RNF130: variants seen among roughly 807,000 people sequenced by gnomAD.
RNF130 encodes the protein ring finger protein 130.
RNF130 carries 21 observed loss-of-function variants against 44.6 expected under a neutral mutation model. That is an observed-to-expected ratio of 0.47 (90% CI 0.33 to 0.68). The LOEUF (loss-of-function observed/expected upper bound fraction) is 0.68. Ranked by LOEUF, RNF130 falls within the 30% of genes least tolerant of loss-of-function variation. The pLI, the probability that RNF130 is intolerant of heterozygous loss-of-function variation, is 0.02. For missense variants in RNF130, 479 were observed against 560.6 expected (o/e 0.85, Z 1.47); for synonymous variants, 214 against 210.4 (o/e 1.02, Z -0.15).
At chr5:179,949,440 T>G (rs1762092715) in intron 7 of RNF130, among the ~76,000 whole-genome samples, 1 of 151,672 alleles carries the variant, frequency 6.6e-6, no homozygotes, top group South Asian at 2.1e-4. Flanking sequence ...TTAATTTTTT[T>G]GTAGAGATGG....
In RNF130 at chr5:180,029,325, G is replaced by A. The variant is rs576612639; in HGVS notation, c.442+11128C>T. Among the ~76,000 whole-genome samples the A allele has an allele frequency of 6.7e-4, 102 of 152,282 alleles. 1 individual carries two copies. The highest frequency in any genetic ancestry group is 2.3e-3 in the African/African-American group (97 of 41,542). ...AAATTGGATGAAGTATTTCAATAAT[G>A]TTTTTCTAAGGTGATGAATATGTGA... On this transcript the variant is annotated intron_variant, in intron 2 of 8. Coordinates refer to ENST00000521389, the MANE Select transcript of RNF130 (RefSeq NM_018434.6).
chr5:179,921,466 G>A (rs751105960), intron 7 of RNF130, among the ~76,000 whole-genome samples: 6 of 152,194 alleles, frequency 3.9e-5, no homozygotes, highest in Non-Finnish European at 7.3e-5. Context: ...TGAAATTACT[G>A]CAAAAACTGA....
chr5:179,932,814 C>T lies in RNF130; in HGVS notation c.1151-12388G>A, dbSNP rs142316277. Among the ~76,000 whole-genome samples the T allele has an allele frequency of 3.2e-3, 491 of 152,070 alleles. 3 individuals are homozygous for T. The highest frequency in any genetic ancestry group is 0.011 in the African/African-American group (474 of 41,516). ...TTGTACCACTGCACTCCAGCCTGGG[C>T]AACAGAGTGAGACTTGGTTTCAAAA... On this transcript the variant is annotated intron_variant, in intron 7 of 7. Transcript: ENST00000522208.
chr5:179,922,021 AAAAAAGAAAAAAAAGG>A (rs1761639820), intron 7 of RNF130, among the ~76,000 whole-genome samples: 1 of 151,688 alleles, frequency 6.6e-6, no homozygotes, highest in Admixed American at 6.6e-5. Flanking sequence ...ACTCCGTCTG[AAAAAAGAAAAAAAAGG>A]AAAAAGAAAA....
chr5:179,959,846 C>T (rs1015242450), intron 8 of RNF130, among the ~76,000 whole-genome samples: 3 of 152,158 alleles, frequency 2.0e-5, no homozygotes, highest in African/African-American at 4.8e-5. Flanking sequence ...CTAGTTATTT[C>T]GTCACCTTTA....
intron 1 of RNF130, among the ~76,000 whole-genome samples, chr5:180,055,821 T>C (rs10464058): frequency 0.8 from 121,561 of 152,100 alleles, 48,796 homozygotes; most frequent in South Asian, 0.93. Flanking sequence ...GCGTGGCTCA[T>C]GGCTGTAATC....
intron 7 of RNF130, 77 bp from the exon 8 acceptor site, chr5:179,963,641 T>C: frequency 9.6e-7 from 1 of 1,039,148 alleles, no homozygotes; most frequent in Non-Finnish European, 1.5e-6. Context: ...TTCCCTCAAA[T>C]GCAACGAAGC....
intron 4 of RNF130, among the ~76,000 whole-genome samples, chr5:179,979,920 T>C (rs1278000446): frequency 3.3e-5 from 5 of 152,072 alleles, no homozygotes; most frequent in Admixed American, 1.3e-4. Context: ...TCTCTGAAAA[T>C]GCATGCTAGG....
chr5:180,004,545 GGTTT>G (rs1439602416), intron 3 of RNF130, among the ~76,000 whole-genome samples: 1 of 152,148 alleles, frequency 6.6e-6, no homozygotes, highest in Non-Finnish European at 1.5e-5. Context: ...CAGCTTGAGG[GGTTT>G]GTTAGGGGCC....
intron 3 of RNF130, among the ~76,000 whole-genome samples, chr5:179,982,907 T>C (rs1304561018): frequency 1.3e-5 from 2 of 152,184 alleles, no homozygotes; most frequent in Non-Finnish European, 2.9e-5. Context: ...AATTTGCATT[T>C]CCCTATTGTA....
chr5:180,070,296 T>C (rs1765218527), intron 1 of RNF130, among the ~76,000 whole-genome samples: 1 of 152,224 alleles, frequency 6.6e-6, no homozygotes, highest in Non-Finnish European at 1.5e-5. Context: ...AGATGAGATA[T>C]GCACCTTAAG....
At chr5:179,918,411 C>T (rs542206362) in exon 8 of RNF130, 4 of 152,302 alleles carry the variant, frequency 2.6e-5, no homozygotes, top group African/African-American at 9.6e-5. Flanking sequence ...AATGCTACAT[C>T]AGGATCTGCG....
At chr5:179,965,924 A>G (rs182527803) in intron 7 of RNF130, among the ~76,000 whole-genome samples, 7 of 152,332 alleles carry the variant, frequency 4.6e-5, no homozygotes, top group Non-Finnish European at 4.4e-5. Context: ...ACTGACTCCC[A>G]GACTGGAGAA....
At chr5:179,948,853 T>G (rs1217909518) in intron 7 of RNF130, among the ~76,000 whole-genome samples, 1 of 151,704 alleles carries the variant, frequency 6.6e-6, no homozygotes, top group Non-Finnish European at 1.5e-5. Context: ...AGGCTAAGAC[T>G]GCCTTAAGCT....
exon 8 of RNF130, chr5:179,917,329 A>C (rs752711139): frequency 6.6e-6 from 1 of 152,434 alleles, no homozygotes; most frequent in Non-Finnish European, 1.5e-5. Flanking sequence ...ACCCGGGCAC[A>C]GGCCCAGCTC....
At chr5:179,954,661 T>C (rs566704473), downstream of RNF130, among the ~76,000 whole-genome samples, 1 of 152,340 alleles carries the variant, frequency 6.6e-6, no homozygotes, top group African/African-American at 2.4e-5. Flanking sequence ...TGTGTGACTA[T>C]ACTAAGAACT....
In RNF130 at chr5:179,977,841, C is replaced by T. The variant is rs565156779; in HGVS notation, c.848+362G>A. On this transcript the variant is annotated intron_variant, in intron 5 of 8. Transcript: ENST00000521389. This position sits in a 1 kb window ranked among gnomAD's most constrained non-coding sequence, Gnocchi z 4.1. ...CACACTCCAGCCTGGGGTGACAGAG[C>T]GAGACTCCGTCTCAAAAAATAAATA... is the stretch of plus-strand genomic sequence containing the variant. Among the ~76,000 whole-genome samples, 17 of 152,078 alleles carry T rather than the reference C, an allele frequency of 1.1e-4. No individual in the cohort carries two copies. The highest frequency in any genetic ancestry group is 7.2e-4 in the Admixed American group (11 of 15,276).
At chr5:180,002,358 C>T (rs11956412) in intron 3 of RNF130, among the ~76,000 whole-genome samples, 32 of 152,336 alleles carry the variant, frequency 2.1e-4, no homozygotes, top group African/African-American at 7.2e-4. Flanking sequence ...AGATGTGGGG[C>T]CACTGTGCTG....
intron 1 of RNF130, among the ~76,000 whole-genome samples, chr5:180,064,128 G>C (rs551860534): frequency 6.6e-6 from 1 of 152,276 alleles, no homozygotes; most frequent in South Asian, 2.1e-4. Flanking sequence ...ATGGATTTAA[G>C]CCTATTTATG....
Sources: gnomAD v4.1 joint callset for allele counts (sites outside exome capture counted in the v4.1 genomes callset) on GRCh38, gnomAD v4.1.1 for gene constraint, Gnocchi (gnomAD v3.1) non-coding constraint, MANE v1.5 for transcripts, NCBI Gene and HGNC (gene_info 2026-07-23, HGNC 2026-07-21) for gene names.